CERK: variants seen among roughly 807,000 people sequenced by gnomAD.
CERK encodes the protein acylsphingosine kinase.
CERK carries 39 observed loss-of-function variants against 63.4 expected under a neutral mutation model. The observed-to-expected ratio is 0.61, with a 90% CI of 0.48 to 0.80. The LOEUF (loss-of-function observed/expected upper bound fraction) is 0.80. CERK is among the 30% of genes least tolerant of loss of function. The pLI is 0.00. For missense variants in CERK, 670 were observed against 714.1 expected, an observed-to-expected ratio of 0.94 and a Z score of 0.70; for synonymous variants, 302 against 280.0, an observed-to-expected ratio of 1.08 and a Z score of -0.78.
At chr22:46,732,035 T>TCATCTGC (rs1307049304) in intron 1 of CERK, among the ~76,000 whole-genome samples, 1 of 151,956 alleles carries the variant, frequency 6.6e-6, no homozygotes, top group Non-Finnish European at 1.5e-5. Context: ...GAGGCAGAAG[T>TCATCTGC]CATCTGACCC....
In CERK at chr22:46,701,627, G is replaced by A. The variant is rs1298523129; in HGVS notation, c.790+9C>T. ...TGCCACCGTGCGCATGCGCAGAGGA[G>A]GGGCTCACCAACAACGATATGCAGC... On this transcript the variant is annotated intron_variant, in intron 7 of 12. Transcript: ENST00000216264. The A allele has an allele frequency of 3.9e-6, 6 of 1,553,968 alleles. No homozygotes were observed. The highest frequency in any genetic ancestry group is 1.4e-5 in the African/African-American group (1 of 73,266).
chr22:46,708,057 T>C, intron 5 of CERK, 69 bp from the exon 6 acceptor site: 1 of 1,493,848 alleles, frequency 6.7e-7, no homozygotes, highest in Non-Finnish European at 8.9e-7. Flanking sequence ...GGCCTGAGGC[T>C]TCCAGCTTCA....
At chr22:46,720,735 T>C (rs1467365064) in intron 2 of CERK, among the ~76,000 whole-genome samples, 167 bp downstream of exon 2, 3 of 151,960 alleles carry the variant, frequency 2.0e-5, no homozygotes, top group Admixed American at 6.6e-5. Flanking sequence ...AAAATGACCA[T>C]TAACTAAAAC....
intron 1 of CERK, among the ~76,000 whole-genome samples, chr22:46,730,591 T>C (rs577606796): frequency 1.7e-3 from 256 of 152,330 alleles, no homozygotes; most frequent in African/African-American, 5.9e-3. Context: ...AGAAAGAATC[T>C]ATTCTAAAGA....
In CERK at chr22:46,707,911, C is replaced by T. The variant is rs2082821437; in HGVS notation, c.647G>A (p.Gly216Glu). Reference protein sequence around the residue: ...GLIGRTQRSAGVDQNHPRAVL... With the variant: ...GLIGRTQRSAEVDQNHPRAVL... ...AGCCCGGGGGTGGTTCTGGTCGACC[C>T]CGGCGCTCCTCTGCGTCCTCCCAAT... is the stretch of plus-strand genomic sequence containing the variant. Residue 216 changes from glycine to glutamate, a missense_variant, in exon 6 of 13, where the codon GGG (glycine) becomes GAG (glutamate). Transcript: ENST00000216264. 6.2e-7 allele frequency: 1 copy of T among 1,613,950 alleles called. No individual in the cohort carries two copies. The highest frequency in any genetic ancestry group is 1.1e-5 in the South Asian group (1 of 91,084).
At chr22:46,737,696 GA>G (rs1475817220) in intron 1 of CERK, among the ~76,000 whole-genome samples, 2 of 152,164 alleles carry the variant, frequency 1.3e-5, no homozygotes, top group Non-Finnish European at 2.9e-5. Flanking sequence ...GTGCCCTGCG[GA>G]CAGACCGCAC....
At position 46,695,284 on chromosome 22, in the gene CERK, A is replaced by G; in HGVS notation, c.975T>C (p.Tyr325=). The G allele has an allele frequency of 1.9e-6, 3 of 1,611,530 alleles. No homozygotes were observed. Among genetic ancestry groups the G allele is most frequent in the Non-Finnish European group, 1.7e-6 (2 of 1,177,606 alleles). ...CAGGGAGGAAGGACACTGTCCCTTC[A>G]TAGCAGTGGTGGGAGAGGAAGGTCT... ...GLKTFLSHHC[Y]EGTVSFLPAQ... Residue 325 remains tyrosine (Y), a synonymous_variant, in exon 9 of 13, where the codon TAT becomes TAC. Coordinates refer to ENST00000216264, the MANE Select transcript of CERK (RefSeq NM_022766.6).
intron 5 of CERK, among the ~76,000 whole-genome samples, chr22:46,709,798 A>T (rs542127068): frequency 1.3e-3 from 194 of 152,382 alleles, no homozygotes; most frequent in Middle Eastern, 3.4e-3. Context: ...GAAGAGCTGG[A>T]CAGACTTGAG....
At chr22:46,687,372 T>C (rs1008199705) in intron 12 of CERK, among the ~76,000 whole-genome samples, 166 bp from the exon 13 acceptor site, 1 of 151,950 alleles carries the variant, frequency 6.6e-6, no homozygotes, top group Non-Finnish European at 1.5e-5. Context: ...CCATCCCCCA[T>C]GGAACGGTCA....
rs1443162838 is a variant in CERK, at chr22:46,701,704, G to A, written c.722C>T (p.Thr241Met). 19 of 1,555,094 alleles carry A rather than the reference G, an allele frequency of 1.2e-5. No individual in the cohort carries two copies. The highest frequency in any genetic ancestry group is 1.9e-5 in the Admixed American group (1 of 51,616). Residue 241 changes from threonine to methionine, a missense_variant, in exon 7 of 13, where the codon ACG (threonine) becomes ATG (methionine). Physicochemically the swap from Thr to Met is moderately conservative, Grantham distance 81 (BLOSUM62 -1). Coordinates refer to ENST00000216264, the MANE Select transcript of CERK (RefSeq NM_022766.6). ...LRIGIIPAGS[T>M]DCVCYSTVGT... ...CACGGTGGAGTAACACACGCAGTCC[G>A]TTGACCCTGTAAAGGGAAAAAGAAG... is the stretch of plus-strand genomic sequence containing the variant.
intron 1 of CERK, among the ~76,000 whole-genome samples, chr22:46,730,827 G>A (rs763934650): frequency 1.1e-4 from 17 of 152,238 alleles, no homozygotes. Context: ...GTCTATCTTG[G>A]ATTTGGAACT....
At chr22:46,721,544 C>T (rs371011615) in intron 1 of CERK, among the ~76,000 whole-genome samples, 1 of 152,130 alleles carries the variant, frequency 6.6e-6, no homozygotes, top group African/African-American at 2.4e-5. Flanking sequence ...GCCGAGTCAC[C>T]AAATGGAGGC....
intron 1 of CERK, among the ~76,000 whole-genome samples, chr22:46,725,649 G>A (rs563539208): frequency 3.3e-5 from 5 of 152,348 alleles, no homozygotes; most frequent in South Asian, 2.1e-4. Flanking sequence ...CAGAATTCTC[G>A]TGAGACACCA....
chr22:46,693,461 C>T lies in CERK; in HGVS notation c.1092G>A (p.Glu364=). The T allele has an allele frequency of 6.2e-7, 1 of 1,614,150 alleles. No homozygotes were observed. The highest frequency in any genetic ancestry group is 8.5e-7 in the Non-Finnish European group (1 of 1,179,980). ...CCAAACCATACAGTGCTTTCTTCTG[C>T]TCCTCCTCCAGCTGCTGCTTGCTTT... The part of the protein sequence containing the change: ...CRQSKQQLEE[E]QKKALYGLEA... Residue 364 remains glutamate (E), a synonymous_variant, in exon 10 of 13, where the codon GAG becomes GAA. Transcript: ENST00000216264.
Position 46,711,085 on chromosome 22 carries a change from C to G in CERK, c.569+1G>C. The stretch of plus-strand genomic sequence containing the variant: ...ATGGCGATGAAAGACGGCTTACTCA[C>G]CCGTCGTATTTGTCTATGTTAATCT... On this transcript the variant is annotated splice_donor_variant, in intron 5 of 12. Coordinates refer to ENST00000216264, the MANE Select transcript of CERK (RefSeq NM_022766.6). LOFTEE classifies it high-confidence loss of function. 1 of 1,611,004 alleles carries G rather than the reference C, an allele frequency of 6.2e-7. No homozygotes were observed. The highest frequency in any genetic ancestry group is 8.5e-7 in the Non-Finnish European group (1 of 1,177,408).
chr22:46,722,319 C>T (rs999689913), intron 1 of CERK, among the ~76,000 whole-genome samples: 1 of 152,140 alleles, frequency 6.6e-6, no homozygotes, highest in Non-Finnish European at 1.5e-5. Flanking sequence ...GGCCTTTGAG[C>T]ACTGTAGAAA....
chr22:46,695,999 G>A (rs749259692), intron 8 of CERK, among the ~76,000 whole-genome samples: 2 of 152,206 alleles, frequency 1.3e-5, no homozygotes, highest in African/African-American at 4.8e-5. Context: ...TCACTCCTCC[G>A]TGTCTGATGC....
At chr22:46,734,087 T>C (rs1254063380) in intron 1 of CERK, among the ~76,000 whole-genome samples, 10 of 142,166 alleles carry the variant, frequency 7.0e-5, no homozygotes, top group African/African-American at 1.5e-4. Context: ...TATATATATA[T>C]ACATTTTCCT....
chr22:46,690,148 G>C lies in CERK; in HGVS notation c.1385C>G (p.Ser462Trp), dbSNP rs753618098. 1 of 1,613,976 alleles carries C rather than the reference G, an allele frequency of 6.2e-7. No individual in the cohort carries two copies. The highest frequency in any genetic ancestry group is 8.5e-7 in the Non-Finnish European group (1 of 1,180,008). Residue 462 changes from serine to tryptophan, a missense_variant, in exon 12 of 13, where the codon TCG becomes TGG. Ser to Trp is a radical substitution (Grantham distance 177). Coordinates refer to ENST00000216264, the MANE Select transcript of CERK (RefSeq NM_022766.6). ...VYRVKKFQFT[S>W]KHMEDEDSDL... ...GCTGTCCTCATCCTCCATGTGCTTC[G>C]ACGTAAACTGGAATTTCTTGACGCG...
Sources: gnomAD v4.1 joint callset for allele counts (sites outside exome capture counted in the v4.1 genomes callset) on GRCh38, gnomAD v4.1.1 for gene constraint, MANE v1.5 for transcripts, NCBI Gene and HGNC (gene_info 2026-07-23, HGNC 2026-07-21) for gene names.